The following FHIT variants were observed in gnomAD, a reference collection of about 807,000 sequenced individuals.
The protein encoded by FHIT is fragile histidine triad diadenosine triphosphatase.
FHIT carries 19 observed loss-of-function variants against 17.9 expected under a neutral mutation model. The ratio of observed to expected loss-of-function variants is 1.06; its 90% CI spans 0.74 to 1.56. The LOEUF is 1.56. Ranked by LOEUF, FHIT falls within the 40% of genes most tolerant of loss-of-function variation. FHIT has a pLI of 0.00. For synonymous variants in FHIT, 81 were observed against 69.7 expected (o/e 1.16, Z -0.81); for missense variants, 248 against 189.2 (o/e 1.31, Z -1.82).
At chr3:60,764,140 T>G (rs782715237) in intron 4 of FHIT, among the ~76,000 whole-genome samples, 1 of 152,138 alleles carries the variant, frequency 6.6e-6, no homozygotes, top group Non-Finnish European at 1.5e-5. Flanking sequence ...TTTTCCATCA[T>G]GTAGTGCTCC....
At chr3:61,072,581 A>C (rs533174099) in intron 2 of FHIT, among the ~76,000 whole-genome samples, 21 of 152,334 alleles carry the variant, frequency 1.4e-4, no homozygotes, top group African/African-American at 4.8e-4. Context: ...CAAGCCTGCA[A>C]AGAAAAGTAA....
At chr3:60,626,783 CTCTTTTTT>C (rs1213863318) in intron 4 of FHIT, among the ~76,000 whole-genome samples, 1 of 85,942 alleles carries the variant, frequency 1.2e-5, no homozygotes, top group Non-Finnish European at 2.8e-5. Flanking sequence ...GGGGAAAACA[CTCTTTTTT>C]TTTTTTTTTT....
At chr3:60,430,728 C>G (rs1437609162) in intron 5 of FHIT, among the ~76,000 whole-genome samples, 1 of 152,066 alleles carries the variant, frequency 6.6e-6, no homozygotes, top group Admixed American at 6.5e-5. Flanking sequence ...CTTGATGACT[C>G]TAAGCTTTTA....
chr3:59,820,081 C>T (rs1700736312), intron 8 of FHIT, among the ~76,000 whole-genome samples: 1 of 152,196 alleles, frequency 6.6e-6, no homozygotes, highest in African/African-American at 2.4e-5. Flanking sequence ...TAATAAACTT[C>T]TTTTTTAAAT....
At chr3:59,969,654 C>T (rs1014082204) in intron 7 of FHIT, among the ~76,000 whole-genome samples, 1 of 152,160 alleles carries the variant, frequency 6.6e-6, no homozygotes, top group East Asian at 1.9e-4. Context: ...TGCGTACTTG[C>T]GTGTATTAGA....
At chr3:61,045,292 A>G (rs1388803723) in intron 2 of FHIT, among the ~76,000 whole-genome samples, 1 of 152,224 alleles carries the variant, frequency 6.6e-6, no homozygotes, top group Admixed American at 6.5e-5. Context: ...AGGAAGATCT[A>G]CCAAGCAAAA....
At chr3:59,979,716 T>A (rs1486637544) in intron 7 of FHIT, among the ~76,000 whole-genome samples, 2 of 152,030 alleles carry the variant, frequency 1.3e-5, no homozygotes, top group African/African-American at 4.8e-5. Flanking sequence ...ACTGGATAAA[T>A]AAGAAGGGGT....
intron 4 of FHIT, among the ~76,000 whole-genome samples, chr3:60,718,289 C>T (rs1320655779): frequency 6.6e-6 from 1 of 152,142 alleles, no homozygotes; most frequent in Non-Finnish European, 1.5e-5. Context: ...AAAAAAATGA[C>T]TCAATGTAAA....
intron 3 of FHIT, among the ~76,000 whole-genome samples, chr3:60,997,301 A>G (rs1400010065): frequency 6.6e-6 from 1 of 152,176 alleles, no homozygotes; most frequent in African/African-American, 2.4e-5. Flanking sequence ...CACAGGCTGC[A>G]ACAGAGAAAG....
intron 5 of FHIT, among the ~76,000 whole-genome samples, chr3:60,068,375 C>G (rs1702613867): frequency 6.6e-6 from 1 of 152,214 alleles, no homozygotes; most frequent in Admixed American, 6.5e-5. Context: ...GGTCTTGACT[C>G]TGCATCTTAA....
At chr3:61,029,745 A>C (rs1355858424) in intron 3 of FHIT, among the ~76,000 whole-genome samples, 1 of 152,194 alleles carries the variant, frequency 6.6e-6, no homozygotes, top group African/African-American at 2.4e-5. Flanking sequence ...TTTTGGGCCT[A>C]CCAACTGTTA....
At chr3:59,957,621 G>T (rs1281637010) in intron 7 of FHIT, among the ~76,000 whole-genome samples, 1 of 152,130 alleles carries the variant, frequency 6.6e-6, no homozygotes, top group Non-Finnish European at 1.5e-5. Flanking sequence ...AACATCTCAG[G>T]AGCAAATCTA....
intron 2 of FHIT, among the ~76,000 whole-genome samples, chr3:61,111,818 T>C (rs2036167707): frequency 6.6e-6 from 1 of 152,200 alleles, no homozygotes; most frequent in Non-Finnish European, 1.5e-5. Context: ...CGTATATAAT[T>C]TGAGTCTTCT....
intron 5 of FHIT, among the ~76,000 whole-genome samples, chr3:60,454,443 C>T (rs552468201): frequency 2.6e-5 from 4 of 150,950 alleles, no homozygotes; most frequent in East Asian, 2.0e-4. Context: ...GGAGTGCACT[C>T]GCATGATCTC....
intron 8 of FHIT, among the ~76,000 whole-genome samples, chr3:59,883,090 TCA>T (rs1448048864): frequency 1.3e-5 from 2 of 152,286 alleles, no homozygotes; most frequent in African/African-American, 4.8e-5. Flanking sequence ...TTGTACCAGA[TCA>T]CAAGAGCTGT....
At chr3:60,463,041 C>T (rs181146070) in intron 5 of FHIT, among the ~76,000 whole-genome samples, 2 of 152,302 alleles carry the variant, frequency 1.3e-5, no homozygotes, top group Admixed American at 6.5e-5. Flanking sequence ...GGAGGCAATG[C>T]ATTGGCTCCT....
intron 8 of FHIT, among the ~76,000 whole-genome samples, chr3:59,911,418 G>C (rs1194792436): frequency 6.6e-6 from 1 of 152,160 alleles, no homozygotes; most frequent in East Asian, 1.9e-4. Flanking sequence ...GGTGTGTGTT[G>C]ACCAGCCTAT....
intron 5 of FHIT, among the ~76,000 whole-genome samples, chr3:60,230,040 ATTTTAC>A (rs1014755056): frequency 6.6e-6 from 1 of 152,172 alleles, no homozygotes; most frequent in Non-Finnish European, 1.5e-5. Flanking sequence ...CAAATACCAT[ATTTTAC>A]TTAAGATTTC....
intron 4 of FHIT, among the ~76,000 whole-genome samples, chr3:60,546,228 TTG>T (rs900779903): frequency 2.0e-5 from 3 of 152,200 alleles, no homozygotes; most frequent in African/African-American, 7.2e-5. Flanking sequence ...ATCTTTTCGT[TTG>T]TTTCACTTCA....
Sources: gnomAD v4.1 joint callset for allele counts (sites outside exome capture counted in the v4.1 genomes callset) on GRCh38, gnomAD v4.1.1 for gene constraint, MANE v1.5 for transcripts, NCBI Gene and HGNC (gene_info 2026-07-23, HGNC 2026-07-21) for gene names.